PROS1: variants seen among roughly 807,000 people sequenced by gnomAD.
PROS1 encodes the protein protein S.
Under a neutral mutation model 75.9 loss-of-function variants are expected in PROS1, and 29 were observed. The observed-to-expected ratio is 0.38, with a 90% CI of 0.28 to 0.52. The LOEUF (loss-of-function observed/expected upper bound fraction) is 0.52, where lower values mean the gene tolerates loss of function less well. Among genes scored for constraint, PROS1 ranks in the 20% least tolerant of loss-of-function variants. The pLI is 0.83. For missense variants in PROS1, 680 were observed against 810.3 expected (o/e 0.84, Z 1.95); for synonymous variants, 245 against 280.6 (o/e 0.87, Z 1.27).
At chr3:93,899,322 G>T (rs779164066) in intron 7 of PROS1, among the ~76,000 whole-genome samples, 2 of 151,720 alleles carry the variant, frequency 1.3e-5, no homozygotes, top group Non-Finnish European at 2.9e-5. Flanking sequence ...ATTTTCATTG[G>T]ATATGCCCTA....
intron 3 of PROS1, among the ~76,000 whole-genome samples, chr3:93,922,336 C>T (rs1372475245): frequency 6.6e-6 from 1 of 151,716 alleles, no homozygotes; most frequent in Non-Finnish European, 1.5e-5. Context: ...ACCATTCTTC[C>T]CAGGAAGTTT....
chr3:93,903,398 T>A (rs1323086950), intron 6 of PROS1, among the ~76,000 whole-genome samples: 3 of 152,178 alleles, frequency 2.0e-5, no homozygotes, highest in African/African-American at 7.2e-5. Flanking sequence ...GTGTGGTGGC[T>A]CATGCCTGTA....
chr3:93,879,027 G>T, intron 13 of PROS1, 136 bp downstream of exon 13: 1 of 908,568 alleles, frequency 1.1e-6, no homozygotes, highest in Admixed American at 2.6e-5. Flanking sequence ...ATGATGTGCT[G>T]GAGATTGTGC....
chr3:93,888,727 G>A (rs748469954), intron 10 of PROS1, among the ~76,000 whole-genome samples: 103 of 151,964 alleles, frequency 6.8e-4, no homozygotes, highest in African/African-American at 2.3e-3. Context: ...TCTTCTCTCC[G>A]CTGGGTTATT....
intron 1 of PROS1, among the ~76,000 whole-genome samples, chr3:93,956,951 A>G (rs796414749): frequency 6.6e-5 from 10 of 152,296 alleles, no homozygotes; most frequent in African/African-American, 2.4e-4. Context: ...TAGGCACACT[A>G]TATAGACATT....
chr3:93,956,563 A>AACACAC (rs35328809), intron 1 of PROS1, among the ~76,000 whole-genome samples: 1,439 of 128,360 alleles, frequency 0.011, 24 homozygotes, highest in Admixed American at 0.044. Context: ...CACACACACA[A>AACACAC]ACACACACAC....
intron 1 of PROS1, among the ~76,000 whole-genome samples, chr3:93,949,380 T>A (rs569445775): frequency 2.6e-5 from 4 of 152,298 alleles, no homozygotes; most frequent in Admixed American, 6.5e-5. Flanking sequence ...TTTTACTATA[T>A]TGATACATTA....
intron 1 of PROS1, among the ~76,000 whole-genome samples, chr3:93,930,604 A>C (rs1305869524): frequency 6.6e-6 from 1 of 152,210 alleles, no homozygotes; most frequent in African/African-American, 2.4e-5. Flanking sequence ...ATGGGCCCCA[A>C]CTAAAGGGTA....
chr3:93,949,225 G>C (rs1222949196), intron 1 of PROS1, among the ~76,000 whole-genome samples: 1 of 152,100 alleles, frequency 6.6e-6, no homozygotes, highest in Non-Finnish European at 1.5e-5. Flanking sequence ...ACCACAATAG[G>C]AACCTTAATA....
intron 1 of PROS1, among the ~76,000 whole-genome samples, chr3:93,949,296 A>G (rs1006870608): frequency 1.3e-5 from 2 of 152,226 alleles, no homozygotes; most frequent in Non-Finnish European, 2.9e-5. Flanking sequence ...TGTCATTTTT[A>G]TAAACTCACA....
chr3:93,934,106 G>A (rs1709146889), intron 1 of PROS1, among the ~76,000 whole-genome samples: 1 of 151,346 alleles, frequency 6.6e-6, no homozygotes, highest in East Asian at 1.9e-4. Flanking sequence ...CTTGAACCCA[G>A]GAGGCGGAGG....
chr3:93,962,762 C>T (rs1381117765), intron 1 of PROS1, among the ~76,000 whole-genome samples: 2 of 152,214 alleles, frequency 1.3e-5, no homozygotes, highest in Non-Finnish European at 2.9e-5. Flanking sequence ...TCTCAGTGGA[C>T]TCTTCAGCAA....
At chr3:93,956,539 CACACACACACACACACACACACAA>C (rs1385727251) in intron 1 of PROS1, among the ~76,000 whole-genome samples, 14 of 62,890 alleles carry the variant, frequency 2.2e-4, no homozygotes, top group Non-Finnish European at 5.1e-4. Context: ...TCTCTACACA[CACACACACACACACACACACACAA>C]ACACACACAC....
intron 1 of PROS1, among the ~76,000 whole-genome samples, chr3:93,943,219 C>T (rs773010531): frequency 6.6e-6 from 1 of 152,118 alleles, no homozygotes; most frequent in Non-Finnish European, 1.5e-5. Flanking sequence ...TAAAAGCACA[C>T]CTCACCAAGC....
rs191843045 is a variant in PROS1, at chr3:93,914,292, C to A, written c.260-3587G>T. 1.8e-3 allele frequency among the ~76,000 whole-genome samples: 273 copies of A among 152,326 alleles called. 1 individual carries two copies. The highest frequency in any genetic ancestry group is 6.3e-3 in the African/African-American group (263 of 41,568). On this transcript the variant is annotated intron_variant, in intron 3 of 14. Transcript: ENST00000394236. ...CTTTGCCTGGACACCCCCAGGCTGC[C>A]CATAATAACCTTTGAAATCTAGGTG...
rs1320598375 is a variant in PROS1 at position 93,886,364 on chromosome 3, C to T, written c.1295G>A (p.Arg432Gln). The change falls in exon 11 of 15, where the codon CGG becomes CAG. Residue 432 changes from arginine (R) to glutamine (Q), a missense_variant. Arg to Gln is a conservative substitution (Grantham distance 43). Coordinates refer to ENST00000394236, the MANE Select transcript of PROS1 (RefSeq NM_000313.4). ...ETKVYFAGFPRKVESELIKPI... is the reference protein window; with the variant it reads ...ETKVYFAGFPQKVESELIKPI... ...TTTAATGAGTTCACTTTCCACTTTC[C>T]GAGGGAATCCTGCAAAGTATACTTT... 9.9e-6 allele frequency: 16 copies of T among 1,613,514 alleles called. No individual in the cohort carries two copies. The highest frequency in any genetic ancestry group is 2.2e-5 in the East Asian group (1 of 44,810).
rs550979183 is a variant in PROS1 at position 93,909,794 on chromosome 3, A to T, written c.346+825T>A. 5.7e-4 allele frequency among the ~76,000 whole-genome samples: 87 copies of T among 151,988 alleles called. 1 individual carries two copies. Among genetic ancestry groups the T allele is most frequent in the East Asian group, 1.5e-3 (8 of 5,174 alleles). On this transcript the variant is annotated intron_variant, in intron 4 of 14. Transcript: ENST00000394236. ...CGCCTAATTAATTCCATAATTTTTTAAAAAAGTCTTCATAGGATCGTTTTT... is the reference window on the plus strand; with the variant it reads ...CGCCTAATTAATTCCATAATTTTTTTAAAAAGTCTTCATAGGATCGTTTTT...
At chr3:93,882,711 A>G (rs912902584) in intron 12 of PROS1, among the ~76,000 whole-genome samples, 1 of 152,196 alleles carries the variant, frequency 6.6e-6, no homozygotes, top group African/African-American at 2.4e-5. Flanking sequence ...AAGACAATTC[A>G]TGCTCATTCA....
intron 1 of PROS1, among the ~76,000 whole-genome samples, chr3:93,952,785 C>G (rs1310705415): frequency 6.6e-6 from 1 of 152,062 alleles, no homozygotes; most frequent in Non-Finnish European, 1.5e-5. Context: ...TCAGTGAATC[C>G]AAGAGCTGGC....
Sources: allele counts gnomAD v4.1 joint callset (sites outside exome capture counted in the v4.1 genomes callset), GRCh38; gene constraint gnomAD v4.1.1; transcripts MANE v1.5; gene names NCBI Gene and HGNC (gene_info 2026-07-23, HGNC 2026-07-21).